Variants in CSGALNACT1 observed in about 807,000 individuals in gnomAD.
The protein encoded by CSGALNACT1 is beta4GalNAcT-1.
Under a neutral mutation model 51.0 loss-of-function variants are expected in CSGALNACT1, and 52 were observed. The observed-to-expected ratio is 1.02, with a 90% CI of 0.82 to 1.29. CSGALNACT1 has a LOEUF of 1.29. CSGALNACT1 is among the 50% of genes most tolerant of loss of function. The pLI is 0.00. For missense variants in CSGALNACT1, 935 were observed against 679.2 expected (o/e 1.38, Z -4.19); for synonymous variants, 341 against 254.4 (o/e 1.34, Z -3.24).
At chr8:19,664,593 G>A (rs938281988) in intron 1 of CSGALNACT1, among the ~76,000 whole-genome samples, 5 of 152,028 alleles carry the variant, frequency 3.3e-5, no homozygotes, top group East Asian at 1.9e-4. Flanking sequence ...ATTCACCAAC[G>A]TATGCTTAAA....
At position 19,521,911 on chromosome 8, in the gene CSGALNACT1, G is replaced by A. The variant is rs544732659; in HGVS notation, c.-296-15781C>T. 1.1e-3 allele frequency among the ~76,000 whole-genome samples: 174 copies of A among 152,324 alleles called. 1 individual carries two copies. The highest frequency in any genetic ancestry group is 3.1e-3 in the African/African-American group (130 of 41,580). ...AAGCATCTGCTCTACCAATCCCTGC[G>A]TCGTGGTAAGACTTCATGTGTCCAT... is the stretch of plus-strand genomic sequence containing the variant. On this transcript the variant is annotated intron_variant, in intron 3 of 9. Coordinates refer to ENST00000454498, the Ensembl canonical transcript of CSGALNACT1.
intron 1 of CSGALNACT1, among the ~76,000 whole-genome samples, chr8:19,688,000 C>T (rs913592237): frequency 2.6e-5 from 4 of 152,162 alleles, no homozygotes; most frequent in Non-Finnish European, 1.5e-5. Context: ...TTGCAAGGTA[C>T]AATTTACCGT....
intron 3 of CSGALNACT1, among the ~76,000 whole-genome samples, chr8:19,524,217 G>A (rs1227642678): frequency 6.6e-6 from 1 of 152,086 alleles, no homozygotes; most frequent in African/African-American, 2.4e-5. Flanking sequence ...TTGAGCCCAG[G>A]AGTTCAATGC....
intron 1 of CSGALNACT1, among the ~76,000 whole-genome samples, chr8:19,717,929 C>T (rs1169348356): frequency 6.6e-6 from 1 of 152,144 alleles, no homozygotes; most frequent in Non-Finnish European, 1.5e-5. Flanking sequence ...TGCTCAGAGG[C>T]AGGCACCAAG....
At chr8:19,635,057 C>A (rs2055844291) in intron 1 of CSGALNACT1, among the ~76,000 whole-genome samples, 1 of 152,198 alleles carries the variant, frequency 6.6e-6, no homozygotes, top group Admixed American at 6.5e-5. Context: ...CAGCAAATTT[C>A]TAAATGATTG....
At chr8:19,639,303 G>A (rs1393612535) in intron 1 of CSGALNACT1, among the ~76,000 whole-genome samples, 2 of 152,202 alleles carry the variant, frequency 1.3e-5, no homozygotes, top group Non-Finnish European at 2.9e-5. Context: ...AACAATGAGA[G>A]ACAAACATGT....
upstream of CSGALNACT1, among the ~76,000 whole-genome samples, chr8:19,683,452 A>C (rs1160214786): frequency 6.6e-6 from 1 of 152,226 alleles, no homozygotes; most frequent in Admixed American, 6.5e-5. Flanking sequence ...GAGTTTGGTA[A>C]GGTGTCAAGT....
chr8:19,406,623 TAAAA>T (rs33985548), intron 9 of CSGALNACT1, among the ~76,000 whole-genome samples: 5,372 of 72,052 alleles, frequency 0.075, 115 homozygotes, highest in Middle Eastern at 0.15. Context: ...AGAGGTTTCG[TAAAA>T]AAAAAAAAAA....
At chr8:19,502,645 C>T (rs886941928) in intron 4 of CSGALNACT1, among the ~76,000 whole-genome samples, 2 of 152,196 alleles carry the variant, frequency 1.3e-5, no homozygotes, top group Non-Finnish European at 2.9e-5. Context: ...CCATGGATTA[C>T]TGAAACCCAA....
intron 1 of CSGALNACT1, among the ~76,000 whole-genome samples, chr8:19,666,941 G>C (rs867035988): frequency 2.6e-5 from 3 of 114,494 alleles, no homozygotes; most frequent in Non-Finnish European, 5.4e-5. Context: ...GAGAGAGAGA[G>C]AAAAAGAAAG....
chr8:19,503,287 C>T (rs772992827), intron 4 of CSGALNACT1, among the ~76,000 whole-genome samples: 6 of 152,162 alleles, frequency 3.9e-5, no homozygotes, highest in Non-Finnish European at 8.8e-5. Context: ...GAAATCAATA[C>T]TGAGTAGCTA....
chr8:19,452,205 G>T (rs945545563), intron 5 of CSGALNACT1, among the ~76,000 whole-genome samples: 1 of 152,314 alleles, frequency 6.6e-6, no homozygotes, highest in African/African-American at 2.4e-5. Context: ...AGGGAAGCTC[G>T]TTGGCGAGAA....
At position 19,516,406 on chromosome 8, in the gene CSGALNACT1, G is replaced by T. The variant is rs143730444; in HGVS notation, c.-296-10276C>A. On this transcript the variant is annotated intron_variant, in intron 3 of 9. Coordinates refer to ENST00000454498, the Ensembl canonical transcript of CSGALNACT1. ...AATCTCAAACTGCTTGCTGAGACCT[G>T]CTCCTCATTCTACACCCAGCGTGTC... 8.1e-3 allele frequency among the ~76,000 whole-genome samples: 1,223 copies of T among 151,582 alleles called. 22 individuals are homozygous for T. The highest frequency in any genetic ancestry group is 0.028 in the African/African-American group (1,162 of 41,264).
At chr8:19,702,755 C>G (rs2061951261) in intron 1 of CSGALNACT1, among the ~76,000 whole-genome samples, 1 of 152,102 alleles carries the variant, frequency 6.6e-6, no homozygotes, top group Non-Finnish European at 1.5e-5. Context: ...ACCTCGTCCT[C>G]AAGACTCAAG....
At chr8:19,666,130 C>T (rs942800245) in intron 1 of CSGALNACT1, among the ~76,000 whole-genome samples, 24 of 152,168 alleles carry the variant, frequency 1.6e-4, no homozygotes, top group African/African-American at 5.6e-4. Context: ...TCCTGTACAA[C>T]ACTGGTGAAA....
chr8:19,422,922 G>T (rs1263907788), intron 6 of CSGALNACT1, among the ~76,000 whole-genome samples: 1 of 152,194 alleles, frequency 6.6e-6, no homozygotes, highest in African/African-American at 2.4e-5. Flanking sequence ...AATATATACA[G>T]CCAGTAGCAA....
intron 5 of CSGALNACT1, among the ~76,000 whole-genome samples, chr8:19,456,848 T>C (rs912390782): frequency 6.6e-6 from 1 of 152,216 alleles, no homozygotes; most frequent in Non-Finnish European, 1.5e-5. Context: ...AATTGAGAAC[T>C]GCTATACCTT....
intron 3 of CSGALNACT1, among the ~76,000 whole-genome samples, chr8:19,538,514 A>G (rs2084306073): frequency 6.6e-6 from 1 of 152,218 alleles, no homozygotes; most frequent in South Asian, 2.1e-4. Context: ...AGAGCAATGT[A>G]TGAACCTGAC....
chr8:19,514,859 A>C (rs1003370592), intron 3 of CSGALNACT1, among the ~76,000 whole-genome samples: 1 of 152,054 alleles, frequency 6.6e-6, no homozygotes, highest in African/African-American at 2.4e-5. Flanking sequence ...TAAAATATTA[A>C]ATACAAGCTT....
Sources: gnomAD v4.1 joint callset for allele counts (sites outside exome capture counted in the v4.1 genomes callset) on GRCh38, gnomAD v4.1.1 for gene constraint, MANE v1.5 for transcripts, NCBI Gene and HGNC (gene_info 2026-07-23, HGNC 2026-07-21) for gene names.